The following RAP1GAP2 variants were observed in gnomAD, a reference collection of about 807,000 sequenced individuals.
RAP1GAP2 encodes RAP1 GTPase activating protein 2.
In RAP1GAP2, 27 loss-of-function variants were observed where a neutral mutation model predicts 95.0. That is an observed-to-expected ratio of 0.28 (90% CI 0.21 to 0.39). The LOEUF is 0.39. Ranked by LOEUF, RAP1GAP2 falls within the 10% of genes least tolerant of loss-of-function variation. The probability of loss-of-function intolerance (pLI) is 1.00; values close to 1 mark genes in which losing one functional copy is unlikely to be tolerated. For synonymous variants in RAP1GAP2, 373 were observed against 380.9 expected (o/e 0.98, Z 0.24); for missense variants, 771 against 970.0 (o/e 0.79, Z 2.72).
intron 2 of RAP1GAP2, among the ~76,000 whole-genome samples, chr17:2,806,936 G>A (rs746669661): frequency 3.4e-4 from 52 of 152,048 alleles, no homozygotes; most frequent in Non-Finnish European, 6.6e-4. Context: ...CACCTGCCTC[G>A]GCCTCCCGAA....
rs1481634040 is a variant in RAP1GAP2, at chr17:2,906,256, T to C, written c.165+888T>C. 1.3e-5 allele frequency among the ~76,000 whole-genome samples: 2 copies of C among 152,186 alleles called. No individual in the cohort carries two copies. Among genetic ancestry groups the C allele is most frequent in the Non-Finnish European group, 2.9e-5 (2 of 68,024 alleles). ...TCACAGGGAGATCATCAGGCATCTC[T>C]TCCTCACTGCTCTGCATCACCCCTC... On this transcript the variant is annotated intron_variant, in intron 3 of 24. Coordinates refer to ENST00000254695, the MANE Select transcript of RAP1GAP2 (RefSeq NM_015085.5). This position sits in a 1 kb window ranked among gnomAD's most constrained non-coding sequence, Gnocchi z 4.3.
At chr17:3,022,910 G>A (rs1012305344) in intron 19 of RAP1GAP2, among the ~76,000 whole-genome samples, 12 of 152,194 alleles carry the variant, frequency 7.9e-5, no homozygotes, top group African/African-American at 2.9e-4. Context: ...TTTATGTATG[G>A]TGAGAGAGAA....
chr17:2,811,825 C>G (rs1182760820), intron 2 of RAP1GAP2, among the ~76,000 whole-genome samples: 3 of 152,118 alleles, frequency 2.0e-5, no homozygotes, highest in African/African-American at 7.2e-5. Flanking sequence ...GTGATCCGCC[C>G]ACCTCTGCTT....
In RAP1GAP2 at chr17:3,005,190, G is replaced by A. The variant is rs368091935; in HGVS notation, c.1201-179G>A. Reference sequence around the variant, plus strand: ...GGCTGCGGATGGCCCCACACCGTCCGGCCCCACTTCTAGGAACAGGGTCAG... The same window carrying A: ...GGCTGCGGATGGCCCCACACCGTCCAGCCCCACTTCTAGGAACAGGGTCAG... On this transcript the variant is annotated intron_variant, in intron 14 of 24. Coordinates refer to ENST00000254695, the MANE Select transcript of RAP1GAP2 (RefSeq NM_015085.5). The surrounding 1 kb of genome is among the most constrained non-coding windows in gnomAD (Gnocchi z 5.2). Among the ~76,000 whole-genome samples, 9 of 152,268 alleles carry A rather than the reference G, an allele frequency of 5.9e-5. No homozygotes were observed. In the East Asian group the frequency reaches 1.2e-3, roughly 20 times the overall value.
intron 2 of RAP1GAP2, among the ~76,000 whole-genome samples, chr17:2,838,232 C>CTGG (rs1432724513): frequency 6.6e-6 from 1 of 150,796 alleles, no homozygotes; most frequent in African/African-American, 2.4e-5. Flanking sequence ...GTTGGTCAGG[C>CTGG]TGGTCTTGAA....
At position 3,037,364 on chromosome 17, in the gene RAP1GAP2, A is replaced by ACCCCCCCCCC. The variant is rs753386734; in HGVS notation, c.*4007_*4016dup. On this transcript the variant is annotated 3_prime_UTR_variant, in exon 25 of 25. Transcript: ENST00000254695. ...ACATTTCTGCTTGGAAGTGTGAACT[A>ACCCCCCCCCC]CCCCCCCCCCCCCGCTTCCTGCTCC... The ACCCCCCCCCC allele has an allele frequency of 3.4e-5, 1 of 29,684 alleles. No homozygotes were observed. Among genetic ancestry groups the ACCCCCCCCCC allele is most frequent in the Non-Finnish European group, 9.8e-5 (1 of 10,174 alleles). The allele number at this position is 29,684 out of a possible 1,614,324, so 1.8% of individuals were successfully genotyped here. A position where few individuals can be genotyped will look rare whatever the true frequency, so the allele number is the denominator to read the frequency against.
chr17:2,990,126 T>C (rs193221123), intron 11 of RAP1GAP2, among the ~76,000 whole-genome samples: 118 of 152,384 alleles, frequency 7.7e-4, no homozygotes, highest in African/African-American at 2.4e-3. Flanking sequence ...CCACATTTTG[T>C]CTATCTATTC....
chr17:2,805,768 G>GTGTC (rs1555545298), intron 2 of RAP1GAP2, among the ~76,000 whole-genome samples: 3 of 151,888 alleles, frequency 2.0e-5, no homozygotes, highest in East Asian at 1.9e-4. Flanking sequence ...GTGTGTGTGT[G>GTGTC]TGTCTGTCTG....
intron 19 of RAP1GAP2, among the ~76,000 whole-genome samples, chr17:3,023,479 AC>A (rs1190120487): frequency 1.3e-5 from 2 of 152,206 alleles, no homozygotes; most frequent in African/African-American, 4.8e-5. Context: ...GGGTGGTGGC[AC>A]CATGTTCTGA....
intron 3 of RAP1GAP2, among the ~76,000 whole-genome samples, chr17:2,943,478 G>C (rs1034000614): frequency 6.6e-6 from 1 of 151,754 alleles, no homozygotes; most frequent in Non-Finnish European, 1.5e-5. Context: ...TTCAAGACCA[G>C]GCTGGCCAAC....
intron 2 of RAP1GAP2, among the ~76,000 whole-genome samples, chr17:2,810,316 G>A (rs1315157496): frequency 2.0e-5 from 3 of 151,924 alleles, no homozygotes; most frequent in African/African-American, 4.8e-5. Flanking sequence ...GATCTCTAGA[G>A]TCTTTGAATC....
intron 2 of RAP1GAP2, among the ~76,000 whole-genome samples, chr17:2,882,735 G>A (rs189552690): frequency 6.6e-6 from 1 of 152,308 alleles, no homozygotes; most frequent in East Asian, 1.9e-4. Flanking sequence ...GGATGCGGGT[G>A]CCGTTGTCTA....
chr17:2,998,159 C>G, intron 13 of RAP1GAP2, 62 bp from the exon 14 acceptor site: 1 of 1,550,170 alleles, frequency 6.5e-7, no homozygotes, highest in Admixed American at 1.7e-5. Context: ...CCCACTCTTT[C>G]CCCAAAACAT....
intron 2 of RAP1GAP2, among the ~76,000 whole-genome samples, chr17:2,821,895 A>G (rs2070321272): frequency 1.3e-5 from 2 of 152,132 alleles, no homozygotes; most frequent in South Asian, 2.1e-4. Context: ...AGGACTTCCA[A>G]GGGCTGGACA....
In RAP1GAP2 at chr17:2,991,336, C is replaced by A; in HGVS notation, c.853C>A (p.Pro285Thr). The A allele has an allele frequency of 6.2e-7, 1 of 1,606,868 alleles. No homozygotes were observed. Residue 285 changes from proline (P) to threonine (T), a missense_variant, in exon 12 of 25, where the codon CCA (proline) becomes ACA (threonine). Physicochemically the swap from Pro to Thr is conservative, Grantham distance 38. Transcript: ENST00000254695. ...EELFGNNEES[P>T]AFKEFLDLLG... is the part of the protein sequence containing the mutation. ...GCTATTTGGGAACAATGAGGAGAGC[C>A]CAGCTTTTAAGGAGTTCTTGGACCT...
intron 2 of RAP1GAP2, among the ~76,000 whole-genome samples, chr17:2,894,738 C>G (rs969790712): frequency 6.6e-6 from 1 of 152,180 alleles, no homozygotes; most frequent in African/African-American, 2.4e-5. Flanking sequence ...CTCGGCCCCC[C>G]CTTTACTTTC....
intron 1 of RAP1GAP2, among the ~76,000 whole-genome samples, chr17:2,764,323 T>G (rs2068238039): frequency 6.6e-6 from 1 of 151,742 alleles, no homozygotes; most frequent in Non-Finnish European, 1.5e-5. Flanking sequence ...TCCCAGCTAC[T>G]CGGGAGGCTG....
chr17:3,030,080 CAT>C (rs1366552872), intron 22 of RAP1GAP2, among the ~76,000 whole-genome samples: 114 of 146,540 alleles, frequency 7.8e-4, no homozygotes, highest in South Asian at 4.2e-4. Flanking sequence ...ATATAATATA[CAT>C]ATGTTATAGA....
chr17:2,784,545 A>T (rs373347253), intron 1 of RAP1GAP2, among the ~76,000 whole-genome samples: 115 of 152,356 alleles, frequency 7.5e-4, no homozygotes, highest in African/African-American at 2.6e-3. Context: ...TGCTGGGATT[A>T]CAGGCGTGAG....
Sources: gnomAD v4.1 joint callset for allele counts (sites outside exome capture counted in the v4.1 genomes callset) on GRCh38, gnomAD v4.1.1 for gene constraint, Gnocchi (gnomAD v3.1) non-coding constraint, MANE v1.5 for transcripts, NCBI Gene and HGNC (gene_info 2026-07-23, HGNC 2026-07-21) for gene names.